The following AUTS2 variants were observed in gnomAD, a reference collection of about 807,000 sequenced individuals.
AUTS2 encodes activator of transcription and developmental regulator AUTS2, also known as autism susceptibility gene 2 protein.
A neutral mutation model predicts 112.4 loss-of-function variants in AUTS2; 17 were observed. That is an observed-to-expected ratio of 0.15 (90% CI 0.10 to 0.23). The LOEUF (loss-of-function observed/expected upper bound fraction) is 0.23. AUTS2 is among the 10% of genes least tolerant of loss of function. The probability of loss-of-function intolerance (pLI) is 1.00; values close to 1 mark genes in which losing one functional copy is unlikely to be tolerated. For synonymous variants in AUTS2, 751 were observed against 702.7 expected (o/e 1.07, Z -1.09); for missense variants, 1,510 against 1,701.6 (o/e 0.89, Z 1.98).
intron 4 of AUTS2, among the ~76,000 whole-genome samples, chr7:70,342,320 T>G (rs1164947818): frequency 6.6e-6 from 1 of 151,558 alleles, no homozygotes; most frequent in African/African-American, 2.4e-5. Flanking sequence ...CACATAATTT[T>G]TTCTTTTTTT....
chr7:69,771,543 G>A (rs1584221781), intron 1 of AUTS2, among the ~76,000 whole-genome samples: 1 of 152,146 alleles, frequency 6.6e-6, no homozygotes, highest in African/African-American at 2.4e-5. Context: ...GTGACAAAAG[G>A]TATGTTGGTA....
intron 5 of AUTS2, among the ~76,000 whole-genome samples, chr7:70,451,944 GAGGGGCTCTGTGGGAGT>G (rs1796550962): frequency 6.6e-6 from 1 of 152,150 alleles, no homozygotes. Context: ...GTCTGGTTCT[GAGGGGCTCTGTGGGAGT>G]AAGACAGCAT....
At chr7:69,999,143 A>G (rs560111287) in intron 2 of AUTS2, among the ~76,000 whole-genome samples, 1 of 152,322 alleles carries the variant, frequency 6.6e-6, no homozygotes, top group Non-Finnish European at 1.5e-5. Flanking sequence ...TGGCACTTGA[A>G]GGAAAGAGAG....
intron 4 of AUTS2, among the ~76,000 whole-genome samples, chr7:70,339,429 CT>C (rs561057049): frequency 5.8e-4 from 88 of 152,266 alleles, no homozygotes; most frequent in African/African-American, 2.0e-3. Context: ...GTAATACTCT[CT>C]TTTTCAGTAG....
chr7:70,068,872 A>G (rs1034818561), intron 2 of AUTS2, among the ~76,000 whole-genome samples: 1 of 152,200 alleles, frequency 6.6e-6, no homozygotes, highest in Non-Finnish European at 1.5e-5. Context: ...CACTTTTTAT[A>G]TAAGTATGAC....
chr7:70,601,134 C>T (rs1803454325), intron 5 of AUTS2, among the ~76,000 whole-genome samples: 2 of 152,224 alleles, frequency 1.3e-5, no homozygotes, highest in South Asian at 4.1e-4. Context: ...GACATTCTTA[C>T]AAGCAGTTTA....
chr7:69,841,683 G>A (rs1401246035), intron 1 of AUTS2, among the ~76,000 whole-genome samples: 7 of 152,144 alleles, frequency 4.6e-5, no homozygotes, highest in African/African-American at 1.2e-4. Flanking sequence ...GTATTACTCC[G>A]GATTACAAGA....
intron 5 of AUTS2, among the ~76,000 whole-genome samples, chr7:70,672,923 G>A (rs958586100): frequency 3.3e-5 from 5 of 152,158 alleles, no homozygotes; most frequent in Admixed American, 1.3e-4. Flanking sequence ...TTTAAAAGCA[G>A]GGGAAGCTCC....
At chr7:70,335,617 A>G (rs949251261) in intron 4 of AUTS2, among the ~76,000 whole-genome samples, 5 of 152,206 alleles carry the variant, frequency 3.3e-5, no homozygotes, top group African/African-American at 1.2e-4. Flanking sequence ...GTACTTCATC[A>G]CAGAATTCCA....
At chr7:70,285,639 C>T (rs933287396) in intron 4 of AUTS2, among the ~76,000 whole-genome samples, 1 of 152,198 alleles carries the variant, frequency 6.6e-6, no homozygotes, top group African/African-American at 2.4e-5. Flanking sequence ...CTGATATCTT[C>T]TTCCAAATTC....
chr7:70,449,435 G>A (rs1023497997), intron 5 of AUTS2, among the ~76,000 whole-genome samples: 1 of 152,180 alleles, frequency 6.6e-6, no homozygotes, highest in African/African-American at 2.4e-5. Context: ...TCAGTTATGG[G>A]TAGAGAGACG....
At chr7:69,991,857 A>T (rs577630389) in intron 2 of AUTS2, among the ~76,000 whole-genome samples, 1 of 152,332 alleles carries the variant, frequency 6.6e-6, no homozygotes, top group South Asian at 2.1e-4. Flanking sequence ...TGATATCGGA[A>T]TACTTTCTAT....
At chr7:69,649,933 C>A (rs570814082) in intron 1 of AUTS2, among the ~76,000 whole-genome samples, 5 of 152,296 alleles carry the variant, frequency 3.3e-5, no homozygotes, top group East Asian at 1.9e-4. Flanking sequence ...ACCATGAAGT[C>A]ATTTTTTTCC....
rs560652749 is a variant in AUTS2 at position 69,765,862 on chromosome 7, G to A, written c.310-133424G>A. ...CTTTCGGGGCTGAGGCAGGAGGATC[G>A]CTTGAGCCCAGGAGGACAAGGCTGC... On this transcript the variant is annotated intron_variant, in intron 1 of 18. Transcript: ENST00000342771. 6.6e-5 allele frequency among the ~76,000 whole-genome samples: 10 copies of A among 152,244 alleles called. No homozygotes were observed. The South Asian group carries it at 1.5e-3, about 22-fold the overall frequency.
At chr7:70,018,222 C>T (rs767750258) in intron 2 of AUTS2, among the ~76,000 whole-genome samples, 2 of 151,262 alleles carry the variant, frequency 1.3e-5, no homozygotes, top group Admixed American at 6.6e-5. Flanking sequence ...TTTTTTTTAA[C>T]GCCTTTAACT....
intron 4 of AUTS2, among the ~76,000 whole-genome samples, chr7:70,150,155 T>C (rs1285781758): frequency 6.6e-6 from 1 of 152,164 alleles, no homozygotes; most frequent in Non-Finnish European, 1.5e-5. Context: ...TTGTTTAATT[T>C]AGTACATTTA....
At position 69,922,531 on chromosome 7, in the gene AUTS2, G is replaced by A. The variant is rs114291867; in HGVS notation, c.522+23033G>A. Among the ~76,000 whole-genome samples, 443 of 152,306 alleles carry A rather than the reference G, an allele frequency of 2.9e-3. 5 individuals carry two copies. The highest frequency in any genetic ancestry group is 0.01 in the African/African-American group (429 of 41,570). Reference sequence around the variant, plus strand: ...TACAGTAAGTATAAATGTGAGAAGAGAAACCACATTTTCATGCTCTTAAGT... The same window carrying A: ...TACAGTAAGTATAAATGTGAGAAGAAAAACCACATTTTCATGCTCTTAAGT... On this transcript the variant is annotated intron_variant, in intron 2 of 18. Coordinates refer to ENST00000342771, the MANE Select transcript of AUTS2 (RefSeq NM_015570.4).
At chr7:70,012,128 G>A (rs1205432176) in intron 2 of AUTS2, among the ~76,000 whole-genome samples, 3 of 152,174 alleles carry the variant, frequency 2.0e-5, no homozygotes, top group Admixed American at 1.3e-4. Context: ...GGTTCTGACA[G>A]TTACCAGTTG....
At chr7:70,784,373 G>A (rs1217616299) in intron 15 of AUTS2, 1 of 152,596 alleles carries the variant, frequency 6.6e-6, no homozygotes, top group African/African-American at 2.4e-5. Context: ...CTGAGCCAGA[G>A]ATGATAACGG....
Sources: allele counts gnomAD v4.1 joint callset (sites outside exome capture counted in the v4.1 genomes callset), GRCh38; gene constraint gnomAD v4.1.1; transcripts MANE v1.5; gene names NCBI Gene and HGNC (gene_info 2026-07-23, HGNC 2026-07-21).